The following COL24A1 variants were observed in gnomAD, a reference collection of about 807,000 sequenced individuals.
COL24A1 encodes the protein collagen type XXIV alpha 1 chain.
COL24A1 carries 224 observed loss-of-function variants against 253.9 expected under a neutral mutation model. The ratio of observed to expected loss-of-function variants is 0.88; its 90% CI spans 0.79 to 0.99. The LOEUF is 0.99. COL24A1 is among the 50% of genes least tolerant of loss of function. The pLI is 0.00. For missense variants in COL24A1, 2,131 were observed against 2,068.5 expected, an observed-to-expected ratio of 1.03 and a Z score of -0.59; for synonymous variants, 685 against 673.7, an observed-to-expected ratio of 1.02 and a Z score of -0.26.
intron 2 of COL24A1, among the ~76,000 whole-genome samples, chr1:86,132,641 GT>G (rs1362530967): frequency 6.6e-6 from 1 of 152,122 alleles, no homozygotes; most frequent in African/African-American, 2.4e-5. Context: ...CCCATTTCTT[GT>G]TTTTGTCAGA....
intron 14 of COL24A1, among the ~76,000 whole-genome samples, chr1:86,027,566 T>C (rs112579769): frequency 0.014 from 2,144 of 152,262 alleles, 61 homozygotes; most frequent in African/African-American, 0.049. Flanking sequence ...AAGTCAATAA[T>C]TGAGGTTTGG....
intron 14 of COL24A1, chr1:86,030,023 C>T (rs760349339): frequency 6.6e-6 from 1 of 152,006 alleles, no homozygotes; most frequent in South Asian, 2.1e-4. Flanking sequence ...GCACATTATA[C>T]CTTTAGCCAT....
intron 55 of COL24A1, among the ~76,000 whole-genome samples, chr1:85,748,648 G>C (rs1021589216): frequency 2.7e-5 from 4 of 146,100 alleles, no homozygotes. Flanking sequence ...GGGAGTGCCA[G>C]ACAGTGGGCG....
chr1:85,790,585 T>C (rs1361129914), intron 47 of COL24A1, among the ~76,000 whole-genome samples: 1 of 152,164 alleles, frequency 6.6e-6, no homozygotes, highest in African/African-American at 2.4e-5. Flanking sequence ...TACTGTTGCT[T>C]GGTGTACTAC....
chr1:85,840,510 T>G (rs2297745), intron 42 of COL24A1, among the ~76,000 whole-genome samples: 1 of 152,162 alleles, frequency 6.6e-6, no homozygotes, highest in East Asian at 1.9e-4. Flanking sequence ...TCCTTGTGCC[T>G]TAAGATTGTT....
chr1:86,136,100 C>A (rs1164412095), intron 2 of COL24A1, among the ~76,000 whole-genome samples: 1 of 152,050 alleles, frequency 6.6e-6, no homozygotes, highest in Non-Finnish European at 1.5e-5. Context: ...ACCCTTCATT[C>A]TCTTTCCTCC....
intron 37 of COL24A1, among the ~76,000 whole-genome samples, chr1:85,855,426 G>A (rs1678308827): frequency 1.3e-5 from 2 of 152,122 alleles, no homozygotes; most frequent in South Asian, 2.1e-4. Flanking sequence ...ATTGAGGCAC[G>A]TTGAATTTTA....
intron 32 of COL24A1, among the ~76,000 whole-genome samples, chr1:85,879,744 C>T (rs1307559994): frequency 6.6e-6 from 1 of 152,098 alleles, no homozygotes; most frequent in Non-Finnish European, 1.5e-5. Context: ...AGATCTTCAT[C>T]CTCATTGTCT....
At position 85,732,315 on chromosome 1, in the gene COL24A1, C is replaced by T. The variant is rs536452505; in HGVS notation, c.4999-1623G>A. 5.3e-5 allele frequency among the ~76,000 whole-genome samples: 8 copies of T among 151,904 alleles called. No individual in the cohort carries two copies. In the South Asian group the frequency reaches 8.3e-4, roughly 16 times the overall value. ...TGCAATCTAGGCTCACTGCAAGCTC[C>T]GCCTCCCAGGTTCACGCCATTCTCC... On this transcript the variant is annotated intron_variant, in intron 59 of 59. Transcript: ENST00000370571.
At chr1:85,934,568 A>G (rs1346580669) in intron 24 of COL24A1, among the ~76,000 whole-genome samples, 1 of 152,214 alleles carries the variant, frequency 6.6e-6, no homozygotes, top group Non-Finnish European at 1.5e-5. Context: ...GTACTATAGT[A>G]GTCAATTTAG....
chr1:85,748,509 A>G (rs1490782992), intron 55 of COL24A1, among the ~76,000 whole-genome samples: 1 of 152,174 alleles, frequency 6.6e-6, no homozygotes, highest in Admixed American at 6.5e-5. Context: ...TGTCTTTAGA[A>G]CTAAAGGACA....
chr1:85,738,581 C>T (rs1310504434), intron 57 of COL24A1, among the ~76,000 whole-genome samples: 1 of 152,150 alleles, frequency 6.6e-6, no homozygotes, highest in African/African-American at 2.4e-5. Context: ...GCATCTTATT[C>T]CAAATACAAA....
intron 37 of COL24A1, among the ~76,000 whole-genome samples, chr1:85,856,650 C>T (rs1361356394): frequency 6.6e-6 from 1 of 151,658 alleles, no homozygotes; most frequent in East Asian, 1.9e-4. Context: ...GTCTCTAAAT[C>T]CCTCCTCCTA....
chr1:86,102,268 T>C (rs1446417405), intron 5 of COL24A1, among the ~76,000 whole-genome samples: 3 of 152,264 alleles, frequency 2.0e-5, no homozygotes, highest in Non-Finnish European at 2.9e-5. Context: ...TTTATATGAA[T>C]CTTTTCTCTT....
At position 86,091,673 on chromosome 1, in the gene COL24A1, A is replaced by G. The variant is rs570099554; in HGVS notation, c.1653+594T>C. Among the ~76,000 whole-genome samples the G allele has an allele frequency of 2.0e-5, 3 of 152,266 alleles. No individual in the cohort carries two copies. In the East Asian group the frequency reaches 5.8e-4, roughly 29 times the overall value. ...CTTTAAAACTAGTTTTTACTAAAAT[A>G]TGTATATGTTTGTATTGGCAGTGTT... On this transcript the variant is annotated intron_variant, in intron 6 of 59. Coordinates refer to ENST00000370571, the MANE Select transcript of COL24A1 (RefSeq NM_152890.7).
rs565036652 is a variant in COL24A1, at chr1:86,039,621, G to C, written c.1951-5698C>G. Among the ~76,000 whole-genome samples the C allele has an allele frequency of 2.4e-4, 37 of 152,114 alleles. 1 individual carries two copies. Among genetic ancestry groups the C allele is most frequent in the African/African-American group, 8.4e-4 (35 of 41,520 alleles). On this transcript the variant is annotated intron_variant, in intron 12 of 59. Transcript: ENST00000370571. ...GAAATGAATAAAAATTATCATAGAA[G>C]GTTATATACTAAACAAGCATTAATA... is the stretch of plus-strand genomic sequence containing the variant.
At chr1:86,129,696 T>C (rs1450716255) in intron 2 of COL24A1, among the ~76,000 whole-genome samples, 1 of 151,756 alleles carries the variant, frequency 6.6e-6, no homozygotes, top group Admixed American at 6.6e-5. Context: ...GTTAGGAAGG[T>C]CTTTTTGTTT....
At chr1:85,913,956 A>G (rs1299348711) in intron 24 of COL24A1, among the ~76,000 whole-genome samples, 2 of 152,202 alleles carry the variant, frequency 1.3e-5, no homozygotes, top group African/African-American at 4.8e-5. Context: ...GAGGCTTAGA[A>G]GTCTAAGATC....
chr1:86,127,596 TG>T (rs1446829050), intron 2 of COL24A1, among the ~76,000 whole-genome samples: 4 of 152,216 alleles, frequency 2.6e-5, no homozygotes, highest in African/African-American at 9.6e-5. Flanking sequence ...TATTATTCTT[TG>T]GGTTATAAAT....
Sources: allele counts gnomAD v4.1 joint callset (sites outside exome capture counted in the v4.1 genomes callset), GRCh38; gene constraint gnomAD v4.1.1; transcripts MANE v1.5; gene names NCBI Gene and HGNC (gene_info 2026-07-23, HGNC 2026-07-21).